The following RNFT2 variants were observed in gnomAD, a reference collection of about 807,000 sequenced individuals.
RNFT2 encodes the protein E3 ubiquitin-protein ligase RNFT2.
Under a neutral mutation model 53.0 loss-of-function variants are expected in RNFT2, and 36 were observed. The ratio of observed to expected loss-of-function variants is 0.68; its 90% CI spans 0.52 to 0.90. The LOEUF is 0.90. Among genes scored for constraint, RNFT2 ranks in the 40% least tolerant of loss-of-function variants. The pLI, the probability that RNFT2 is intolerant of heterozygous loss-of-function variation, is 0.00. For missense variants in RNFT2, 514 were observed against 585.6 expected (o/e 0.88, Z 1.26); for synonymous variants, 260 against 253.2 (o/e 1.03, Z -0.26).
At chr12:116,755,791 G>A in intron 5 of RNFT2, 3 of 1,534,890 alleles carry the variant, frequency 2.0e-6, no homozygotes, top group Non-Finnish European at 1.8e-6. Flanking sequence ...ACATATACAT[G>A]GCCAAAGGAA....
chr12:116,751,754 GTTTT>G (rs1320091443), intron 4 of RNFT2, among the ~76,000 whole-genome samples: 1 of 150,914 alleles, frequency 6.6e-6, no homozygotes, highest in East Asian at 2.0e-4. Context: ...TTGTTTGTTT[GTTTT>G]TGTTTTTGTT....
chr12:116,738,984 C>T (rs185375567), intron 1 of RNFT2, among the ~76,000 whole-genome samples: 1 of 152,266 alleles, frequency 6.6e-6, no homozygotes, highest in East Asian at 1.9e-4. Context: ...CTGCTGCTGA[C>T]CGGTTTGTTA....
chr12:116,764,151 A>G (rs1158821106), intron 5 of RNFT2, among the ~76,000 whole-genome samples: 2 of 152,334 alleles, frequency 1.3e-5, no homozygotes, highest in East Asian at 3.9e-4. Flanking sequence ...TAGCTAAGCT[A>G]TGAGGATGCA....
intron 7 of RNFT2, among the ~76,000 whole-genome samples, chr12:116,827,251 G>GAGAGAGA (rs1876392008): frequency 6.6e-6 from 1 of 151,272 alleles, no homozygotes; most frequent in African/African-American, 2.4e-5. Flanking sequence ...AAGAAAGAAA[G>GAGAGAGA]GAGTGATTTA....
At chr12:116,826,059 C>T (rs73405189) in intron 7 of RNFT2, among the ~76,000 whole-genome samples, 2,494 of 152,106 alleles carry the variant, frequency 0.016, 69 homozygotes, top group African/African-American at 0.058. Flanking sequence ...TTATGCCTCT[C>T]CTCCCTTCCT....
chr12:116,839,612 G>A (rs1877152907), intron 10 of RNFT2, among the ~76,000 whole-genome samples: 2 of 151,940 alleles, frequency 1.3e-5, no homozygotes, highest in Admixed American at 6.6e-5. Flanking sequence ...ATGGACGGAT[G>A]GATGGAATGG....
chr12:116,750,335 G>A (rs1227778460), intron 4 of RNFT2, 28 bp downstream of exon 4: 2 of 1,569,966 alleles, frequency 1.3e-6, no homozygotes, highest in Non-Finnish European at 1.7e-6. Flanking sequence ...GGGTGTCCTA[G>A]CCATGGGCTT....
At chr12:116,841,402 G>C (rs1292537089) in intron 10 of RNFT2, among the ~76,000 whole-genome samples, 1 of 151,940 alleles carries the variant, frequency 6.6e-6, no homozygotes. Context: ...GCAGTGAGCC[G>C]AGATTGCACC....
At chr12:116,754,480 C>A (rs1186767289) in intron 5 of RNFT2, among the ~76,000 whole-genome samples, 2 of 152,162 alleles carry the variant, frequency 1.3e-5, no homozygotes, top group African/African-American at 4.8e-5. Context: ...ATAATGACTT[C>A]TTTTCCTCTG....
intron 4 of RNFT2, among the ~76,000 whole-genome samples, chr12:116,750,848 TATA>T (rs533289312): frequency 0.023 from 65 of 2,812 alleles, no homozygotes; most frequent in Middle Eastern, 0.12. Flanking sequence ...ATTATATATA[TATA>T]ATATATATTA....
chr12:116,840,279 G>A (rs1031254323), intron 10 of RNFT2, among the ~76,000 whole-genome samples: 11 of 152,102 alleles, frequency 7.2e-5, no homozygotes, highest in African/African-American at 1.4e-4. Context: ...CAGACACTTC[G>A]GGCGGGAAGT....
intron 10 of RNFT2, among the ~76,000 whole-genome samples, chr12:116,838,403 G>C (rs1877087654): frequency 6.6e-6 from 1 of 152,172 alleles, no homozygotes; most frequent in Admixed American, 6.5e-5. Flanking sequence ...GCTCTTGGTA[G>C]GATAAATTTC....
At chr12:116,749,762 A>G (rs1217101588) in intron 3 of RNFT2, 79 bp from the exon 4 acceptor site, 7 of 1,244,072 alleles carry the variant, frequency 5.6e-6, no homozygotes, top group Non-Finnish European at 8.0e-6. Context: ...AATTGATATT[A>G]TTAGTCCCCA....
chr12:116,822,644 A>G (rs1876105405), intron 7 of RNFT2, among the ~76,000 whole-genome samples: 2 of 152,194 alleles, frequency 1.3e-5, no homozygotes, highest in Admixed American at 1.3e-4. Context: ...GGCAGGAGAG[A>G]ATGAAACTTA....
chr12:116,754,896 A>G (rs927889797), intron 5 of RNFT2, among the ~76,000 whole-genome samples: 2 of 152,114 alleles, frequency 1.3e-5, no homozygotes, highest in African/African-American at 4.8e-5. Flanking sequence ...GTCCTTTGTC[A>G]GATGTACAGA....
At chr12:116,823,063 A>G (rs568372424) in intron 7 of RNFT2, among the ~76,000 whole-genome samples, 3 of 152,298 alleles carry the variant, frequency 2.0e-5, no homozygotes, top group South Asian at 2.1e-4. Context: ...CTCTTTGACT[A>G]TATTGTTTGA....
At chr12:116,816,556 T>C (rs1875689906) in intron 7 of RNFT2, among the ~76,000 whole-genome samples, 1 of 152,148 alleles carries the variant, frequency 6.6e-6, no homozygotes, top group Non-Finnish European at 1.5e-5. Context: ...GTTTTAATAG[T>C]GAGTGTCCAG....
chr12:116,804,551 A>G (rs1195343980), intron 7 of RNFT2, among the ~76,000 whole-genome samples: 1 of 152,190 alleles, frequency 6.6e-6, no homozygotes, highest in African/African-American at 2.4e-5. Context: ...ACCATTATGT[A>G]TATTACAGTA....
chr12:116,772,333 A>T (rs1873239256), intron 6 of RNFT2, among the ~76,000 whole-genome samples: 1 of 152,144 alleles, frequency 6.6e-6, no homozygotes, highest in South Asian at 2.1e-4. Flanking sequence ...TTTGAGACAG[A>T]GTCTCGCTCT....
Sources: allele counts gnomAD v4.1 joint callset (sites outside exome capture counted in the v4.1 genomes callset), GRCh38; gene constraint gnomAD v4.1.1; transcripts MANE v1.5; gene names NCBI Gene and HGNC (gene_info 2026-07-23, HGNC 2026-07-21).